SLC6A17: variants seen among roughly 807,000 people sequenced by gnomAD.
The protein encoded by SLC6A17 is sodium-dependent neutral amino acid transporter SLC6A17.
A neutral mutation model predicts 64.5 loss-of-function variants in SLC6A17; 21 were observed. That is an observed-to-expected ratio of 0.33 (90% CI 0.23 to 0.47). The LOEUF (loss-of-function observed/expected upper bound fraction) is 0.47. Ranked by LOEUF, SLC6A17 falls within the 20% of genes least tolerant of loss-of-function variation. SLC6A17 has a pLI of 1.00. For missense variants in SLC6A17, 682 were observed against 963.2 expected (o/e 0.71, Z 3.86); for synonymous variants, 372 against 399.5 (o/e 0.93, Z 0.82).
chr1:110,197,600 G>T lies in SLC6A17; in HGVS notation c.1815+1G>T. The T allele has an allele frequency of 1.3e-6, 2 of 1,589,928 alleles. No individual in the cohort carries two copies. Among genetic ancestry groups the T allele is most frequent in the South Asian group, 1.1e-5 (1 of 88,980 alleles). On this transcript the variant is annotated splice_donor_variant, in intron 11 of 11. Transcript: ENST00000331565. LOFTEE classifies it high-confidence loss of function. ...CTACAGCGCCTGGATCAAGGAGGAG[G>T]TGAGGGGTGGGGCCCCAAACCCCAG...
At chr1:110,194,457 G>C in intron 8 of SLC6A17, 122 bp from the exon 9 acceptor site, 1 of 1,042,142 alleles carries the variant, frequency 9.6e-7, no homozygotes, top group Non-Finnish European at 1.4e-6. Flanking sequence ...TTTAGGTGGA[G>C]GTGGGAACCC....
chr1:110,185,277 T>A (rs747293788), intron 6 of SLC6A17, among the ~76,000 whole-genome samples: 10 of 152,174 alleles, frequency 6.6e-5, no homozygotes, highest in Non-Finnish European at 1.5e-4. Context: ...GTGGAGAGCA[T>A]GTGGTAAATG....
intron 6 of SLC6A17, among the ~76,000 whole-genome samples, chr1:110,181,019 T>C (rs1292562268): frequency 6.6e-6 from 1 of 152,100 alleles, no homozygotes; most frequent in Non-Finnish European, 1.5e-5. Context: ...GTATGATGAA[T>C]GCGATGTGGC....
At chr1:110,182,358 A>G (rs1342855135) in intron 6 of SLC6A17, among the ~76,000 whole-genome samples, 3 of 152,114 alleles carry the variant, frequency 2.0e-5, no homozygotes, top group Admixed American at 1.3e-4. Context: ...TCTTTTGGAC[A>G]TGGCAGGCTT....
At chr1:110,173,893 G>GAAA in intron 3 of SLC6A17, 80 bp from the exon 4 acceptor site, 3 of 1,558,102 alleles carry the variant, frequency 1.9e-6, no homozygotes, top group East Asian at 4.7e-5. Flanking sequence ...CGCTGCCGAC[G>GAAA]TGCTGGGCCT....
intron 6 of SLC6A17, among the ~76,000 whole-genome samples, chr1:110,191,030 C>G (rs2100946697): frequency 6.6e-6 from 1 of 152,326 alleles, no homozygotes; most frequent in Middle Eastern, 3.4e-3. Flanking sequence ...CAGCCTCATT[C>G]TGTTGGGATT....
At chr1:110,191,319 A>T (rs1656819238) in intron 6 of SLC6A17, among the ~76,000 whole-genome samples, 1 of 152,188 alleles carries the variant, frequency 6.6e-6, no homozygotes, top group African/African-American at 2.4e-5. Context: ...GGGCTTTGGA[A>T]ATTGCTCCAT....
chr1:110,198,518 G>A lies in SLC6A17; in HGVS notation c.*74G>A. ...CTTGTCCAGGCCTGGCCTCTTTCTTGAGGTGGCCACCAGGCCCAGGCCAGG... is the reference window on the plus strand; with the variant it reads ...CTTGTCCAGGCCTGGCCTCTTTCTTAAGGTGGCCACCAGGCCCAGGCCAGG... On this transcript the variant is annotated 3_prime_UTR_variant, in exon 12 of 12. Coordinates refer to ENST00000331565, the MANE Select transcript of SLC6A17 (RefSeq NM_001010898.4). 2.0e-6 allele frequency: 3 copies of A among 1,531,252 alleles called. No homozygotes were observed. Among genetic ancestry groups the A allele is most frequent in the Middle Eastern group, 2.0e-4 (1 of 5,126 alleles). 94.9% of individuals were successfully genotyped at this position (1,531,252 alleles called of 1,614,324 possible).
At chr1:110,195,893 T>A (rs903328698) in intron 10 of SLC6A17, 148 bp downstream of exon 10, 71 of 1,199,766 alleles carry the variant, frequency 5.9e-5, no homozygotes, top group Non-Finnish European at 7.5e-5. Flanking sequence ...TGCAAGGACA[T>A]GGCTGCCTAA....
At chr1:110,197,348 C>G (rs745864424) in intron 10 of SLC6A17, 89 bp from the exon 11 acceptor site, 258 of 1,507,080 alleles carry the variant, frequency 1.7e-4, no homozygotes, top group Non-Finnish European at 2.1e-4. Context: ...GACTGGGAAA[C>G]GAAGACTTTC....
At chr1:110,189,028 C>T (rs990291120) in intron 6 of SLC6A17, among the ~76,000 whole-genome samples, 2 of 152,188 alleles carry the variant, frequency 1.3e-5, no homozygotes, top group African/African-American at 4.8e-5. Flanking sequence ...CTCTGACTCC[C>T]TTTCAGGAGA....
At position 110,201,981 on chromosome 1, in the gene SLC6A17, C is replaced by T. The variant is rs562948891; in HGVS notation, c.*3537C>T. 1.3e-4 allele frequency: 20 copies of T among 152,554 alleles called. No homozygotes were observed. The South Asian group carries it at 3.3e-3, about 25-fold the overall frequency. The allele number at this position is 152,554 out of a possible 1,614,324, so 9.5% of individuals were successfully genotyped here. ...GGGGAGGGGGCCTAGGGCCTCTTCTCATTGAAAGCTCTGCTTTATACAGAC... is the reference window on the plus strand; with the variant it reads ...GGGGAGGGGGCCTAGGGCCTCTTCTTATTGAAAGCTCTGCTTTATACAGAC... On this transcript the variant is annotated 3_prime_UTR_variant, in exon 12 of 12. Coordinates refer to ENST00000331565, the MANE Select transcript of SLC6A17 (RefSeq NM_001010898.4).
At chr1:110,185,450 G>T (rs1387382224) in intron 6 of SLC6A17, among the ~76,000 whole-genome samples, 1 of 152,208 alleles carries the variant, frequency 6.6e-6, no homozygotes, top group Non-Finnish European at 1.5e-5. Flanking sequence ...TCACGCATGC[G>T]CTCAGGCTAG....
Position 110,191,980 on chromosome 1 carries a change from G to A in SLC6A17, c.873G>A (p.Lys291=). 6.2e-7 allele frequency: 1 copy of A among 1,613,786 alleles called. No individual in the cohort carries two copies. Among genetic ancestry groups the A allele is most frequent in the Non-Finnish European group, 8.5e-7 (1 of 1,179,750 alleles). Reference sequence around the variant, plus strand: ...TTGGTCTTCTGCCATAGCTGGACAAGATGCTGGACCCCCAGGTGTGGCGGG... The same window carrying A: ...TTGGTCTTCTGCCATAGCTGGACAAAATGCTGGACCCCCAGGTGTGGCGGG... ...ILHMFTPKLD[K]MLDPQVWREA... Residue 291 remains lysine, a synonymous_variant, in exon 7 of 12, where the codon AAG becomes AAA. Coordinates refer to ENST00000331565, the MANE Select transcript of SLC6A17 (RefSeq NM_001010898.4).
intron 6 of SLC6A17, among the ~76,000 whole-genome samples, chr1:110,183,752 C>T (rs373009937): frequency 3.9e-5 from 6 of 152,070 alleles, no homozygotes; most frequent in South Asian, 2.1e-4. Context: ...TGGGCCACGG[C>T]GCATGGACGC....
intron 2 of SLC6A17, among the ~76,000 whole-genome samples, chr1:110,170,453 C>G (rs1287516246): frequency 6.6e-6 from 1 of 152,226 alleles, no homozygotes; most frequent in African/African-American, 2.4e-5. Context: ...CACTGCCCTC[C>G]AGCCTGGGCA....
chr1:110,157,859 C>G (rs1464826489), intron 1 of SLC6A17, among the ~76,000 whole-genome samples: 12 of 152,118 alleles, frequency 7.9e-5, no homozygotes, highest in Admixed American at 7.9e-4. Flanking sequence ...CTTTCTGTTC[C>G]CTCTGCTCTG....
At chr1:110,174,233 A>C in intron 4 of SLC6A17, 134 bp downstream of exon 4, 17 of 1,270,256 alleles carry the variant, frequency 1.3e-5, no homozygotes, top group Non-Finnish European at 1.7e-5. Flanking sequence ...TCTGATCCTC[A>C]TTTCCCCTTC....
Position 110,189,673 on chromosome 1 carries a change from G to C in SLC6A17, c.865-2299G>C, listed in dbSNP as rs1309068739. Among the ~76,000 whole-genome samples, 9 of 151,976 alleles carry C rather than the reference G, an allele frequency of 5.9e-5. No homozygotes were observed. The East Asian group carries it at 1.2e-3, about 20-fold the overall frequency. ...CTTCTCTCCTCTCCCAGCCCTACCT[G>C]TGCCACCCCCACCTCGTCCTCACTG... On this transcript the variant is annotated intron_variant, in intron 6 of 11. Coordinates refer to ENST00000331565, the MANE Select transcript of SLC6A17 (RefSeq NM_001010898.4).
Sources: allele counts gnomAD v4.1 joint callset (sites outside exome capture counted in the v4.1 genomes callset), GRCh38; gene constraint gnomAD v4.1.1; transcripts MANE v1.5; gene names NCBI Gene and HGNC (gene_info 2026-07-23, HGNC 2026-07-21).